FSTL4: variants seen among roughly 807,000 people sequenced by gnomAD.
FSTL4 encodes the protein follistatin like 4, also known as follistatin-related protein 4.
In FSTL4, 28 loss-of-function variants were observed where a neutral mutation model predicts 78.2. That is an observed-to-expected ratio of 0.36 (90% CI 0.27 to 0.49). The LOEUF (loss-of-function observed/expected upper bound fraction) is 0.49. Ranked by LOEUF, FSTL4 falls within the 20% of genes least tolerant of loss-of-function variation. FSTL4 has a pLI of 0.98. For missense variants in FSTL4, 922 were observed against 1,084.9 expected (o/e 0.85, Z 2.11); for synonymous variants, 422 against 440.5 (o/e 0.96, Z 0.53).
At chr5:133,362,766 A>T (rs1755099478) in intron 4 of FSTL4, among the ~76,000 whole-genome samples, 1 of 152,228 alleles carries the variant, frequency 6.6e-6, no homozygotes, top group Admixed American at 6.5e-5. Context: ...GCTCTCCGGG[A>T]ACTCCTTCCC....
chr5:133,401,847 A>T (rs1756234464), intron 3 of FSTL4, among the ~76,000 whole-genome samples: 1 of 149,144 alleles, frequency 6.7e-6, no homozygotes, highest in South Asian at 2.1e-4. Context: ...TGTGAGTAGG[A>T]GTTTTGTACA....
chr5:133,335,888 T>C lies in FSTL4; in HGVS notation c.410-19236A>G, dbSNP rs570544777. ...ACCCATGAGGGGTGCTTCTTAATTA[T>C]TTGGAATGAACTAATGGATCCCAAG... On this transcript the variant is annotated intron_variant, in intron 4 of 15. Transcript: ENST00000265342. Among the ~76,000 whole-genome samples, 33 of 152,294 alleles carry C rather than the reference T, an allele frequency of 2.2e-4. No homozygotes were observed. In the South Asian group the frequency reaches 6.2e-3, roughly 29 times the overall value.
At chr5:133,570,494 G>GT (rs1455947467) in intron 2 of FSTL4, among the ~76,000 whole-genome samples, 1 of 152,048 alleles carries the variant, frequency 6.6e-6, no homozygotes, top group Non-Finnish European at 1.5e-5. Context: ...GGGAGGAGAG[G>GT]TTAAACTTGT....
At chr5:133,631,534 T>C in the FSTL4 span, among the ~76,000 whole-genome samples, 1 of 152,174 alleles carries the variant, frequency 6.6e-6, no homozygotes, top group East Asian at 1.9e-4. Context: ...ATAGGAACAC[T>C]TTTACACTGC....
chr5:133,594,020 G>C (rs1760691142), intron 2 of FSTL4, among the ~76,000 whole-genome samples: 1 of 151,844 alleles, frequency 6.6e-6, no homozygotes, highest in Non-Finnish European at 1.5e-5. Flanking sequence ...GGTGTCTGTT[G>C]ATTACTAAGA....
At chr5:133,346,268 G>A (rs1399867238) in intron 4 of FSTL4, among the ~76,000 whole-genome samples, 2 of 152,108 alleles carry the variant, frequency 1.3e-5, no homozygotes, top group African/African-American at 4.8e-5. Context: ...GGGAGGGAGA[G>A]CATTAGAACA....
intron 13 of FSTL4, among the ~76,000 whole-genome samples, chr5:133,214,902 C>T (rs933747146): frequency 6.6e-6 from 1 of 152,194 alleles, no homozygotes; most frequent in Non-Finnish European, 1.5e-5. Context: ...TCATTCCCTT[C>T]CAGGCATTGC....
At chr5:133,799,982 C>A in the FSTL4 span, among the ~76,000 whole-genome samples, 6 of 139,336 alleles carry the variant, frequency 4.3e-5, 1 homozygote, top group Middle Eastern at 0.011. Flanking sequence ...TACATCCCTG[C>A]CTGCTGGAGG....
intron 6 of FSTL4, among the ~76,000 whole-genome samples, chr5:133,265,833 AGGTACTGT>A (rs2126840677): frequency 6.6e-6 from 1 of 152,216 alleles, no homozygotes; most frequent in African/African-American, 2.4e-5. Flanking sequence ...AGACCCAGAG[AGGTACTGT>A]GGTACTGTGG....
chr5:133,653,531 T>C, the FSTL4 span, among the ~76,000 whole-genome samples: 1 of 152,204 alleles, frequency 6.6e-6, no homozygotes. Flanking sequence ...GGATTAACTG[T>C]TCTGCATCTT....
chr5:133,240,066 T>G (rs1751793405), intron 7 of FSTL4, among the ~76,000 whole-genome samples: 1 of 152,224 alleles, frequency 6.6e-6, no homozygotes, highest in Non-Finnish European at 1.5e-5. Flanking sequence ...CTGCTCACTC[T>G]TTAGGTTTAC....
chr5:133,537,056 A>G (rs1210442674), intron 3 of FSTL4, among the ~76,000 whole-genome samples: 5 of 152,168 alleles, frequency 3.3e-5, no homozygotes, highest in Non-Finnish European at 7.4e-5. Flanking sequence ...CTGTTTCCCA[A>G]AAGAGTTGCA....
intron 11 of FSTL4, among the ~76,000 whole-genome samples, chr5:133,222,639 C>T (rs1751177353): frequency 6.6e-6 from 1 of 152,182 alleles, no homozygotes; most frequent in South Asian, 2.1e-4. Flanking sequence ...AGTGCAGTAC[C>T]TTGGCCTTGC....
chr5:133,619,189 C>T, the FSTL4 span, among the ~76,000 whole-genome samples: 32 of 152,180 alleles, frequency 2.1e-4, no homozygotes, highest in South Asian at 6.4e-3. Context: ...TCTTTTCCCT[C>T]TTGATACTTT....
At chr5:133,690,600 C>T in the FSTL4 span, among the ~76,000 whole-genome samples, 1 of 152,190 alleles carries the variant, frequency 6.6e-6, no homozygotes, top group Admixed American at 6.5e-5. Context: ...TATCAAGCAT[C>T]TGGGTGAATG....
At chr5:133,743,406 G>A in the FSTL4 span, among the ~76,000 whole-genome samples, 2 of 152,190 alleles carry the variant, frequency 1.3e-5, no homozygotes, top group African/African-American at 4.8e-5. Flanking sequence ...ACCTTTAAAT[G>A]CATGGATTTG....
At chr5:133,755,144 C>A in the FSTL4 span, among the ~76,000 whole-genome samples, 3 of 152,116 alleles carry the variant, frequency 2.0e-5, no homozygotes, top group Non-Finnish European at 4.4e-5. Context: ...TCCTTCTCTA[C>A]CCATCACTCC....
the FSTL4 span, among the ~76,000 whole-genome samples, chr5:133,840,707 G>A: frequency 1.3e-5 from 2 of 152,178 alleles, 1 homozygote; most frequent in Admixed American, 1.3e-4. Flanking sequence ...CAGGCTAAAA[G>A]TCTACACAGG....
chr5:133,543,528 A>T (rs1006878247), intron 3 of FSTL4, among the ~76,000 whole-genome samples: 1 of 152,208 alleles, frequency 6.6e-6, no homozygotes, highest in Non-Finnish European at 1.5e-5. Context: ...TTAATCTATT[A>T]TTACTTAGTG....
Sources: allele counts gnomAD v4.1 joint callset (sites outside exome capture counted in the v4.1 genomes callset), GRCh38; gene constraint gnomAD v4.1.1; transcripts MANE v1.5; gene names NCBI Gene and HGNC (gene_info 2026-07-23, HGNC 2026-07-21).